The following AKT3 variants were observed in gnomAD, a reference collection of about 807,000 sequenced individuals.
AKT3 encodes AKT serine/threonine kinase 3, also known as RAC-gamma serine/threonine-protein kinase.
AKT3 carries 15 observed loss-of-function variants against 65.3 expected under a neutral mutation model. The observed-to-expected ratio is 0.23, with a 90% confidence interval of 0.15 to 0.35. The LOEUF (loss-of-function observed/expected upper bound fraction) is 0.35, where lower values mean the gene tolerates loss of function less well. AKT3 is among the 10% of genes least tolerant of loss of function. AKT3 has a pLI of 1.00. For missense variants in AKT3, 243 were observed against 576.5 expected (o/e 0.42, Z 5.92); for synonymous variants, 206 against 183.8 (o/e 1.12, Z -0.98).
rs895937662 is a variant in AKT3 at position 243,671,332 on chromosome 1, G to A, written c.173-6449C>T. Among the ~76,000 whole-genome samples the A allele has an allele frequency of 9.9e-5, 15 of 152,096 alleles. No individual in the cohort carries two copies. The South Asian group carries it at 1.0e-3, about 11-fold the overall frequency. ...CCTGACCTCATGATCCGCCCACCTCGGCCTCCCAAAGCGCTGGGATTACAG... is the reference window on the plus strand; with the variant it reads ...CCTGACCTCATGATCCGCCCACCTCAGCCTCCCAAAGCGCTGGGATTACAG... On this transcript the variant is annotated intron_variant, in intron 3 of 13. Transcript: ENST00000673466.
rs1669387578 is a variant in AKT3 at position 243,502,615 on chromosome 1, TAC to T, written c.*2632_*2633del. Reference sequence around the variant, plus strand: ...AAGGGAAGTTTTAGAAATCTCCCTCTACACGCATTTCTGGTTTTCTATTATTC... The same window carrying T: ...AAGGGAAGTTTTAGAAATCTCCCTCTACGCATTTCTGGTTTTCTATTATTC... On this transcript the variant is annotated 3_prime_UTR_variant, in exon 14 of 14. Coordinates refer to ENST00000673466, the MANE Select transcript of AKT3 (RefSeq NM_005465.7). The T allele has an allele frequency of 3.0e-5, 7 of 233,194 alleles. No individual in the cohort carries two copies. The East Asian group carries it at 4.2e-4, about 14-fold the overall frequency. 14.4% of individuals were successfully genotyped at this position (233,194 alleles called of 1,614,324 possible).
intron 12 of AKT3, among the ~76,000 whole-genome samples, chr1:243,528,193 A>G (rs1236820111): frequency 1.3e-5 from 2 of 152,080 alleles, no homozygotes; most frequent in African/African-American, 4.8e-5. Flanking sequence ...TATCTTAAAT[A>G]TTACTTGTTT....
At chr1:243,490,515 C>A (rs1484325859) in intron 13 of AKT3, among the ~76,000 whole-genome samples, 1 of 152,220 alleles carries the variant, frequency 6.6e-6, no homozygotes, top group Non-Finnish European at 1.5e-5. Flanking sequence ...GAGAATTATT[C>A]CAGGTTGTGT....
At chr1:243,613,800 G>A in intron 7 of AKT3, 61 bp from the exon 8 acceptor site, 1 of 1,070,988 alleles carries the variant, frequency 9.3e-7, no homozygotes, top group South Asian at 1.8e-5. Context: ...AATTATAATA[G>A]TACTAAAAAT....
intron 2 of AKT3, among the ~76,000 whole-genome samples, chr1:243,823,479 C>G (rs1558846565): frequency 6.6e-6 from 1 of 152,174 alleles, no homozygotes; most frequent in Non-Finnish European, 1.5e-5. Context: ...GGAAGTCAAA[C>G]TGTCTTGTTT....
chr1:243,614,470 C>G (rs1678140676), intron 7 of AKT3, among the ~76,000 whole-genome samples: 1 of 152,060 alleles, frequency 6.6e-6, no homozygotes, highest in African/African-American at 2.4e-5. Context: ...TACAAGGAAT[C>G]TAAGAACAGA....
intron 12 of AKT3, among the ~76,000 whole-genome samples, chr1:243,527,047 C>T (rs1671156373): frequency 6.6e-6 from 1 of 151,988 alleles, no homozygotes; most frequent in African/African-American, 2.4e-5. Flanking sequence ...ACTAAGAGTC[C>T]TAACTTAGAA....
At chr1:243,526,811 A>AAAAAAAAT (rs1671133242) in intron 12 of AKT3, among the ~76,000 whole-genome samples, 1 of 133,958 alleles carries the variant, frequency 7.5e-6, no homozygotes, top group African/African-American at 2.6e-5. Context: ...AAAAAAAAAA[A>AAAAAAAAT]AAAATTTAGA....
intron 2 of AKT3, 135 bp downstream of exon 2, chr1:243,842,990 A>T: frequency 1.1e-6 from 1 of 907,508 alleles, no homozygotes; most frequent in Admixed American, 2.8e-5. Context: ...AACACACGTT[A>T]AATATATCAT....
chr1:243,552,980 T>C (rs1486057591), intron 10 of AKT3, 37 bp from the exon 11 acceptor site: 3 of 1,450,154 alleles, frequency 2.1e-6, no homozygotes, highest in East Asian at 2.3e-5. Flanking sequence ...AATTATTACA[T>C]GTTAACTTTT....
intron 2 of AKT3, among the ~76,000 whole-genome samples, chr1:243,739,936 T>G (rs1688053218): frequency 6.6e-6 from 1 of 152,202 alleles, no homozygotes; most frequent in African/African-American, 2.4e-5. Flanking sequence ...CTTGTGAGGG[T>G]AAGAACTGGA....
intron 2 of AKT3, among the ~76,000 whole-genome samples, chr1:243,786,445 G>C (rs902603023): frequency 6.6e-6 from 1 of 152,172 alleles, no homozygotes; most frequent in Non-Finnish European, 1.5e-5. Flanking sequence ...GCTATTTTAG[G>C]AATGGTGGTA....
chr1:243,799,215 G>C (rs1692235688), intron 2 of AKT3, among the ~76,000 whole-genome samples: 1 of 152,140 alleles, frequency 6.6e-6, no homozygotes, highest in South Asian at 2.1e-4. Flanking sequence ...GGAGGGAATG[G>C]GTGGGGAAAA....
chr1:243,523,104 T>C (rs1670824661), intron 12 of AKT3, among the ~76,000 whole-genome samples: 4 of 152,172 alleles, frequency 2.6e-5, no homozygotes, highest in Non-Finnish European at 4.4e-5. Flanking sequence ...TTCTATGTTC[T>C]GCAAGGAAGC....
chr1:243,755,542 T>C (rs753211725), intron 2 of AKT3, among the ~76,000 whole-genome samples: 1 of 152,266 alleles, frequency 6.6e-6, no homozygotes, highest in Non-Finnish European at 1.5e-5. Context: ...AGCAAAACTA[T>C]TGGATACATT....
At chr1:243,700,896 A>G (rs1394794165) in intron 2 of AKT3, among the ~76,000 whole-genome samples, 1 of 152,206 alleles carries the variant, frequency 6.6e-6, no homozygotes, top group African/African-American at 2.4e-5. Context: ...GGATATTCAA[A>G]TAAATCATCT....
At chr1:243,645,376 A>G (rs1046215639) in intron 5 of AKT3, among the ~76,000 whole-genome samples, 3 of 152,180 alleles carry the variant, frequency 2.0e-5, no homozygotes, top group African/African-American at 7.2e-5. Context: ...ATGCTGGAAC[A>G]CTGAGAGAAG....
chr1:243,635,549 T>C (rs1338421187), intron 6 of AKT3, among the ~76,000 whole-genome samples: 1 of 151,730 alleles, frequency 6.6e-6, no homozygotes, highest in Non-Finnish European at 1.5e-5. Context: ...ATGAGGGAAA[T>C]AGAAAATCAC....
chr1:243,662,488 T>C (rs1187988036), intron 4 of AKT3, among the ~76,000 whole-genome samples: 1 of 138,920 alleles, frequency 7.2e-6, no homozygotes, highest in Admixed American at 8.2e-5. Flanking sequence ...TTCTCACTCA[T>C]AGGTGGGAAC....
Sources: allele counts gnomAD v4.1 joint callset (sites outside exome capture counted in the v4.1 genomes callset), GRCh38; gene constraint gnomAD v4.1.1; transcripts MANE v1.5; gene names NCBI Gene and HGNC (gene_info 2026-07-23, HGNC 2026-07-21).